The following ADAMTSL1 variants were observed in gnomAD, a reference collection of about 807,000 sequenced individuals.
The protein encoded by ADAMTSL1 is ADAMTS-like protein 1.
A neutral mutation model predicts 201.8 loss-of-function variants in ADAMTSL1; 126 were observed. That is an observed-to-expected ratio of 0.62 (90% CI 0.54 to 0.72). ADAMTSL1 has a LOEUF of 0.72. Ranked by LOEUF, ADAMTSL1 falls within the 30% of genes least tolerant of loss-of-function variation. The pLI is 0.00. For synonymous variants in ADAMTSL1, 1,121 were observed against 903.4 expected (o/e 1.24, Z -4.32); for missense variants, 2,679 against 2,277.8 (o/e 1.18, Z -3.59).
intron 1 of ADAMTSL1, among the ~76,000 whole-genome samples, chr9:17,975,213 T>A (rs929375509): frequency 6.6e-6 from 1 of 152,118 alleles, no homozygotes; most frequent in African/African-American, 2.4e-5. Context: ...TTGGGTCATT[T>A]TTTTTTCTTT....
At chr9:18,301,344 T>G (rs1011676838) in intron 2 of ADAMTSL1, among the ~76,000 whole-genome samples, 1 of 152,186 alleles carries the variant, frequency 6.6e-6, no homozygotes, top group Non-Finnish European at 1.5e-5. Context: ...AGTAGATAAA[T>G]TTTAATTTGA....
intron 2 of ADAMTSL1, among the ~76,000 whole-genome samples, chr9:18,447,304 ATG>A (rs1563966391): frequency 1.3e-5 from 2 of 152,212 alleles, no homozygotes; most frequent in South Asian, 2.1e-4. Flanking sequence ...GAGCCTGGAA[ATG>A]TGTCACAATC....
chr9:18,655,557 G>C (rs1828579648), intron 7 of ADAMTSL1, among the ~76,000 whole-genome samples: 1 of 151,984 alleles, frequency 6.6e-6, no homozygotes, highest in Non-Finnish European at 1.5e-5. Context: ...TTGGCTGTAA[G>C]AAGCTAAGAT....
At chr9:18,883,502 A>G (rs1183392915) in intron 23 of ADAMTSL1, among the ~76,000 whole-genome samples, 1 of 152,208 alleles carries the variant, frequency 6.6e-6, no homozygotes, top group Admixed American at 6.5e-5. Flanking sequence ...CATTGCATAC[A>G]TCTACCTTGT....
At chr9:18,703,066 A>G (rs542323932) in intron 13 of ADAMTSL1, among the ~76,000 whole-genome samples, 174 of 152,230 alleles carry the variant, frequency 1.1e-3, no homozygotes, top group African/African-American at 3.9e-3. Flanking sequence ...GACAAGAAGA[A>G]TTTTTAAACT....
chr9:18,431,250 T>C (rs1212339303), intron 2 of ADAMTSL1, among the ~76,000 whole-genome samples: 1 of 152,236 alleles, frequency 6.6e-6, no homozygotes, highest in East Asian at 1.9e-4. Flanking sequence ...TGAATTCATA[T>C]GTCCAGAATG....
intron 7 of ADAMTSL1, among the ~76,000 whole-genome samples, chr9:18,654,865 C>T (rs1011252952): frequency 5.3e-5 from 8 of 152,230 alleles, no homozygotes; most frequent in Admixed American, 2.0e-4. Context: ...GTCATGACAT[C>T]CCTGTCGCTC....
At chr9:18,160,742 C>T (rs1827349465) in intron 1 of ADAMTSL1, among the ~76,000 whole-genome samples, 3 of 151,402 alleles carry the variant, frequency 2.0e-5, no homozygotes, top group Non-Finnish European at 2.9e-5. Flanking sequence ...TGTAGTGGCA[C>T]AGTCATGGCT....
At chr9:18,645,551 G>C (rs1432627217) in intron 7 of ADAMTSL1, among the ~76,000 whole-genome samples, 5 of 150,804 alleles carry the variant, frequency 3.3e-5, no homozygotes, top group Non-Finnish European at 7.4e-5. Context: ...AATCCATCTT[G>C]AATTAATTTT....
chr9:17,931,046 C>G (rs943152033), intron 1 of ADAMTSL1, among the ~76,000 whole-genome samples: 29 of 152,088 alleles, frequency 1.9e-4, no homozygotes, highest in African/African-American at 7.0e-4. Flanking sequence ...CAAATAAAAA[C>G]CAGTTCTCCA....
chr9:18,351,195 A>G (rs1272892287), intron 2 of ADAMTSL1, among the ~76,000 whole-genome samples: 1 of 151,802 alleles, frequency 6.6e-6, no homozygotes, highest in Non-Finnish European at 1.5e-5. Context: ...GCAGGGGAAG[A>G]TTTAAAGCAG....
At chr9:17,933,472 T>C (rs1262100699) in intron 1 of ADAMTSL1, among the ~76,000 whole-genome samples, 1 of 152,154 alleles carries the variant, frequency 6.6e-6, no homozygotes, top group Non-Finnish European at 1.5e-5. Context: ...CACCCATGGA[T>C]GGATTCTGCA....
chr9:18,632,842 T>C (rs1038743786), intron 5 of ADAMTSL1, among the ~76,000 whole-genome samples: 2 of 152,156 alleles, frequency 1.3e-5, no homozygotes, highest in African/African-American at 4.8e-5. Context: ...ACTTGCTTCA[T>C]TTCTCTTTGA....
chr9:18,232,749 C>T lies in ADAMTSL1; in HGVS notation c.207+68768C>T, dbSNP rs149028160. ...TTGTCTTTCTGTATGTACATGACAGCAGTGTCATTATCATCATGATGTTTT... is the reference window on the plus strand; with the variant it reads ...TTGTCTTTCTGTATGTACATGACAGTAGTGTCATTATCATCATGATGTTTT... On this transcript the variant is annotated intron_variant, in intron 2 of 29. Coordinates refer to the ADAMTSL1 transcript ENST00000680146. Among the ~76,000 whole-genome samples, 3 of 152,226 alleles carry T rather than the reference C, an allele frequency of 2.0e-5. No individual in the cohort carries two copies. The East Asian group carries it at 5.8e-4, about 29-fold the overall frequency.
intron 23 of ADAMTSL1, among the ~76,000 whole-genome samples, chr9:18,880,505 A>T (rs959145440): frequency 6.6e-6 from 1 of 152,226 alleles, no homozygotes; most frequent in Admixed American, 6.5e-5. Flanking sequence ...AGACAGGTGC[A>T]TTGTCAATAA....
intron 2 of ADAMTSL1, among the ~76,000 whole-genome samples, chr9:18,175,300 C>T (rs577346560): frequency 1.7e-4 from 26 of 152,276 alleles, no homozygotes; most frequent in African/African-American, 5.8e-4. Context: ...TAGAGTTCTT[C>T]CTAGTAGACT....
At chr9:18,418,140 A>G (rs1054783039) in intron 2 of ADAMTSL1, among the ~76,000 whole-genome samples, 2 of 152,192 alleles carry the variant, frequency 1.3e-5, no homozygotes, top group African/African-American at 2.4e-5. Flanking sequence ...ACAAAACTCA[A>G]TATTTATTCA....
rs1166468454 is a variant in ADAMTSL1 at position 18,400,717 on chromosome 9, G to C, written c.208-104112G>C. On this transcript the variant is annotated intron_variant, in intron 2 of 29. Coordinates refer to the ADAMTSL1 transcript ENST00000680146. ...GAGGAATTTTCTACAGACTATCTTT[G>C]GGTTCTATACGTTGCAAACCTTGCT... is the stretch of plus-strand genomic sequence containing the variant. Among the ~76,000 whole-genome samples, 11 of 152,046 alleles carry C rather than the reference G, an allele frequency of 7.2e-5. No individual in the cohort carries two copies. In the East Asian group the frequency reaches 1.9e-3, roughly 27 times the overall value.
At chr9:18,167,550 A>T (rs924587911) in intron 2 of ADAMTSL1, among the ~76,000 whole-genome samples, 2 of 151,984 alleles carry the variant, frequency 1.3e-5, no homozygotes, top group Admixed American at 6.6e-5. Flanking sequence ...CAATTTACTA[A>T]AAATGATTCT....
Sources: gnomAD v4.1 joint callset for allele counts (sites outside exome capture counted in the v4.1 genomes callset) on GRCh38, gnomAD v4.1.1 for gene constraint, MANE v1.5 for transcripts, NCBI Gene and HGNC (gene_info 2026-07-23, HGNC 2026-07-21) for gene names.